The following SVIL variants were observed in gnomAD, a reference collection of about 807,000 sequenced individuals.
The protein encoded by SVIL is archvillin.
Under a neutral mutation model 240.4 loss-of-function variants are expected in SVIL, and 101 were observed. That is an observed-to-expected ratio of 0.42 (90% CI 0.36 to 0.50). The LOEUF (loss-of-function observed/expected upper bound fraction) is 0.50, where lower values mean the gene tolerates loss of function less well. Ranked by LOEUF, SVIL falls within the 20% of genes least tolerant of loss-of-function variation. The pLI, the probability that SVIL is intolerant of heterozygous loss-of-function variation, is 0.01. For missense variants in SVIL, 2,512 were observed against 2,818.7 expected, an observed-to-expected ratio of 0.89 and a Z score of 2.46; for synonymous variants, 999 against 1,100.0, an observed-to-expected ratio of 0.91 and a Z score of 1.82.
intron 3 of SVIL, among the ~76,000 whole-genome samples, chr10:29,646,691 T>C (rs1353849735): frequency 6.6e-6 from 1 of 152,174 alleles, no homozygotes; most frequent in Non-Finnish European, 1.5e-5. Flanking sequence ...TGAATCATCA[T>C]GACACTGCCT....
At chr10:29,602,854 C>T (rs1589365750) in intron 1 of SVIL, among the ~76,000 whole-genome samples, 1 of 152,140 alleles carries the variant, frequency 6.6e-6, no homozygotes, top group Admixed American at 6.5e-5. Flanking sequence ...GGCGTGGTGG[C>T]AGGCACCTGT....
At chr10:29,606,305 A>C (rs1423540974) in intron 1 of SVIL, among the ~76,000 whole-genome samples, 1 of 152,122 alleles carries the variant, frequency 6.6e-6, no homozygotes, top group African/African-American at 2.4e-5. Context: ...TCAGCCTCCC[A>C]AAGTGCTGGG....
intron 2 of SVIL, among the ~76,000 whole-genome samples, chr10:29,566,714 C>T (rs1277013573): frequency 6.6e-6 from 1 of 152,120 alleles, no homozygotes; most frequent in African/African-American, 2.4e-5. Flanking sequence ...CCAGACTCTT[C>T]TCTCCTCTCT....
At chr10:29,496,403 G>A in intron 18 of SVIL, 1 of 455,858 alleles carries the variant, frequency 2.2e-6, no homozygotes, top group South Asian at 1.6e-5. Context: ...TCACTAGAAG[G>A]ATGCTTAAGA....
chr10:29,544,990 C>T (rs750117388), intron 6 of SVIL: 1 of 534,368 alleles, frequency 1.9e-6, no homozygotes, highest in Non-Finnish European at 3.8e-6. Flanking sequence ...AGAATGGCCC[C>T]CAAGATGTAT....
At chr10:29,647,324 T>TC (rs1958692490) in intron 3 of SVIL, 1 of 152,250 alleles carries the variant, frequency 6.6e-6, no homozygotes, top group Non-Finnish European at 1.5e-5. Context: ...TTTCTTGCTT[T>TC]CTTTTTCTTT....
At chr10:29,643,792 C>A (rs149395706) in intron 3 of SVIL, among the ~76,000 whole-genome samples, 45 of 152,196 alleles carry the variant, frequency 3.0e-4, no homozygotes, top group African/African-American at 1.1e-3. Flanking sequence ...CTGGCTTGAA[C>A]CACTGATGAG....
chr10:29,481,133 G>GGGGT (rs573984701), intron 28 of SVIL, among the ~76,000 whole-genome samples: 2 of 141,402 alleles, frequency 1.4e-5, no homozygotes, highest in East Asian at 2.1e-4. Flanking sequence ...TAGCTTTAAG[G>GGGGT]GTGTGTGTGT....
At chr10:29,656,179 G>GTTT (rs77791451) in intron 3 of SVIL, among the ~76,000 whole-genome samples, 1 of 142,162 alleles carries the variant, frequency 7.0e-6, no homozygotes, top group African/African-American at 2.6e-5. Flanking sequence ...GAGTGTGAGT[G>GTTT]TTTTTTTTTT....
At chr10:29,598,837 T>C (rs1157404080) in intron 1 of SVIL, among the ~76,000 whole-genome samples, 2 of 151,966 alleles carry the variant, frequency 1.3e-5, no homozygotes, top group African/African-American at 2.4e-5. Flanking sequence ...GTGTAGATGC[T>C]GGACTCTGGT....
intron 17 of SVIL, among the ~76,000 whole-genome samples, chr10:29,501,447 T>C (rs941586021): frequency 8.2e-6 from 1 of 121,700 alleles, no homozygotes; most frequent in Non-Finnish European, 1.7e-5. Context: ...GGCAAGAAAG[T>C]GGGGTGAGGA....
rs796589991 is a variant in SVIL, at chr10:29,714,739, C to T, written c.-400+21012G>A. Among the ~76,000 whole-genome samples the T allele has an allele frequency of 1.3e-4, 20 of 151,956 alleles. No individual in the cohort carries two copies. The East Asian group carries it at 1.4e-3, about 10-fold the overall frequency. On this transcript the variant is annotated intron_variant, in intron 1 of 35. Coordinates refer to the SVIL transcript ENST00000375400. ...CTTTGGGATGCTGAGGTGGGAGGAT[C>T]GCTTGAGCTCAGGAGTTCAAGACCA...
chr10:29,527,187 TG>T, intron 12 of SVIL, 131 bp from the exon 13 acceptor site: 2 of 883,978 alleles, frequency 2.3e-6, no homozygotes, highest in Non-Finnish European at 3.4e-6. Context: ...TAATTATTTT[TG>T]GGGAGAAAAA....
At position 29,529,767 on chromosome 10, in the gene SVIL, G is replaced by T; in HGVS notation, c.2184C>A (p.Arg728=). The change falls in exon 12 of 38, where the codon CGC becomes CGA. Residue 728 remains arginine, a synonymous_variant. Transcript: ENST00000355867. The part of the protein sequence containing the change: ...SRNTAVEQRL[R]RLQDRSLTQP... ...GGGTGAGGGACCTGTCCTGCAGACG[G>T]CGTAGCCTCTGCTCCACAGCTGTGT... The T allele has an allele frequency of 6.2e-7, 1 of 1,613,820 alleles. No individual in the cohort carries two copies. Among genetic ancestry groups the T allele is most frequent in the Non-Finnish European group, 8.5e-7 (1 of 1,179,872 alleles).
chr10:29,588,964 C>G (rs545759304), intron 1 of SVIL, among the ~76,000 whole-genome samples: 6 of 150,948 alleles, frequency 4.0e-5, no homozygotes, highest in African/African-American at 1.5e-4. Flanking sequence ...CAAACCCAAA[C>G]CCAGTTTGGA....
At chr10:29,666,700 T>C (rs946085472) in intron 2 of SVIL, among the ~76,000 whole-genome samples, 41 of 152,170 alleles carry the variant, frequency 2.7e-4, no homozygotes, top group Non-Finnish European at 4.3e-4. Context: ...ACTCCGGCAA[T>C]AGTGAAGCTA....
intron 3 of SVIL, among the ~76,000 whole-genome samples, chr10:29,652,323 G>A (rs796218254): frequency 3.3e-5 from 5 of 152,186 alleles, no homozygotes; most frequent in African/African-American, 1.2e-4. Flanking sequence ...TTGGTGTCTG[G>A]CTTCTTTCAC....
rs532149643 is a variant in SVIL at position 29,488,833 on chromosome 10, T to G, written c.4193-77A>C. 8.8e-5 allele frequency: 129 copies of G among 1,471,120 alleles called. No individual in the cohort carries two copies. The African/African-American group carries it at 1.4e-3, about 16-fold the overall frequency. 91.1% of individuals were successfully genotyped at this position (1,471,120 alleles called of 1,614,324 possible). A position where few individuals can be genotyped will look rare whatever the true frequency, so the allele number is the denominator to read the frequency against. ...AATATTTACAGTCAGAAATTATTCA[T>G]AACTGACTCAACACCTTTGTCTTTT... On this transcript the variant is annotated intron_variant, in intron 22 of 37. Transcript: ENST00000355867.
intron 10 of SVIL, among the ~76,000 whole-genome samples, chr10:29,530,887 ACT>A (rs1564584910): frequency 6.6e-6 from 1 of 152,084 alleles, no homozygotes; most frequent in African/African-American, 2.4e-5. Context: ...ACCAAAGCAA[ACT>A]CTGTCCAGGG....
Sources: allele counts gnomAD v4.1 joint callset (sites outside exome capture counted in the v4.1 genomes callset), GRCh38; gene constraint gnomAD v4.1.1; transcripts MANE v1.5; gene names NCBI Gene and HGNC (gene_info 2026-07-23, HGNC 2026-07-21).